KIF6: variants seen among roughly 807,000 people sequenced by gnomAD.
KIF6 encodes kinesin family member 6, also known as kinesin-like protein KIF6.
KIF6 carries 106 observed loss-of-function variants against 112.7 expected under a neutral mutation model. The observed-to-expected ratio is 0.94, with a 90% CI of 0.80 to 1.11. The LOEUF is 1.11. Ranked by LOEUF, KIF6 falls within the 50% of genes least tolerant of loss-of-function variation. The pLI, the probability that KIF6 is intolerant of heterozygous loss-of-function variation, is 0.00. For synonymous variants in KIF6, 339 were observed against 339.9 expected (o/e 1.00, Z 0.03); for missense variants, 929 against 964.0 (o/e 0.96, Z 0.48).
chr6:39,431,222 G>T, intron 13 of KIF6, 61 bp from the exon 14 acceptor site: 1 of 971,618 alleles, frequency 1.0e-6, no homozygotes, highest in Non-Finnish European at 1.6e-6. Context: ...TAATTTCATT[G>T]TCACTTCAGT....
chr6:39,532,355 C>A (rs1229107608), intron 13 of KIF6, among the ~76,000 whole-genome samples: 1 of 152,094 alleles, frequency 6.6e-6, no homozygotes, highest in African/African-American at 2.4e-5. Context: ...CTAATTAGCA[C>A]TATGCCTAGA....
rs535815312 is a variant in KIF6, at chr6:39,474,686, G to A, written c.1646-43525C>T. Among the ~76,000 whole-genome samples, 4 of 152,376 alleles carry A rather than the reference G, an allele frequency of 2.6e-5. No homozygotes were observed. The South Asian group carries it at 8.3e-4, about 32-fold the overall frequency. ...AGCTTCTCCTCCACCTCTTTCAGAG[G>A]AACTCTGGGTATGTGGCAGGCTACA... is the stretch of plus-strand genomic sequence containing the variant. On this transcript the variant is annotated intron_variant, in intron 13 of 22. Coordinates refer to ENST00000287152, the MANE Select transcript of KIF6 (RefSeq NM_145027.6).
intron 14 of KIF6, among the ~76,000 whole-genome samples, chr6:39,427,644 G>A (rs983816212): frequency 6.6e-6 from 1 of 152,216 alleles, no homozygotes; most frequent in Admixed American, 6.5e-5. Context: ...CTGATTTACT[G>A]CTGGGAAAAC....
intron 13 of KIF6, among the ~76,000 whole-genome samples, chr6:39,508,339 G>T (rs989749348): frequency 3.3e-5 from 5 of 152,028 alleles, no homozygotes; most frequent in Admixed American, 3.3e-4. Context: ...GGGGTAAATT[G>T]TTCATGTCAT....
At chr6:39,349,814 T>G (rs528313601) in intron 19 of KIF6, among the ~76,000 whole-genome samples, 1 of 151,750 alleles carries the variant, frequency 6.6e-6, no homozygotes, top group African/African-American at 2.4e-5. Context: ...GGCTAATTAT[T>G]TTTGTCTTTT....
chr6:39,501,102 G>A (rs1168827263), intron 13 of KIF6, among the ~76,000 whole-genome samples: 3 of 151,994 alleles, frequency 2.0e-5, no homozygotes, highest in Non-Finnish European at 2.9e-5. Context: ...AAAGGGTGAC[G>A]GCTTACTCGG....
At chr6:39,429,816 G>A (rs1299629130) in intron 14 of KIF6, among the ~76,000 whole-genome samples, 1 of 152,064 alleles carries the variant, frequency 6.6e-6, no homozygotes, top group Non-Finnish European at 1.5e-5. Context: ...GCTGAGGCAG[G>A]AGAATCGCTT....
In KIF6 at chr6:39,575,792, C is replaced by G. The variant is rs191621047; in HGVS notation, c.1181+2264G>C. On this transcript the variant is annotated intron_variant, in intron 10 of 22. Coordinates refer to ENST00000287152, the MANE Select transcript of KIF6 (RefSeq NM_145027.6). Reference sequence around the variant, plus strand: ...ATTGGCTGTTCCTAGCCCTCTCCTGCTCCAGGGCTCCACACTTCCAGACGT... The same window carrying G: ...ATTGGCTGTTCCTAGCCCTCTCCTGGTCCAGGGCTCCACACTTCCAGACGT... Among the ~76,000 whole-genome samples, 176 of 152,260 alleles carry G rather than the reference C, an allele frequency of 1.2e-3. 1 individual carries two copies. The highest frequency in any genetic ancestry group is 2.7e-3 in the Admixed American group (42 of 15,300).
intron 15 of KIF6, 44 bp downstream of exon 15, chr6:39,419,904 G>T: frequency 6.5e-7 from 1 of 1,533,186 alleles, no homozygotes; most frequent in South Asian, 1.1e-5. Flanking sequence ...TTTTCACCAG[G>T]AAAATGGTTT....
At chr6:39,641,200 TA>T (rs1784879945) in intron 3 of KIF6, among the ~76,000 whole-genome samples, 1 of 152,170 alleles carries the variant, frequency 6.6e-6, no homozygotes, top group South Asian at 2.1e-4. Context: ...AAATGAAGTC[TA>T]AAATTTCAAA....
At chr6:39,696,488 G>A (rs1251855009) in intron 3 of KIF6, among the ~76,000 whole-genome samples, 1 of 152,058 alleles carries the variant, frequency 6.6e-6, no homozygotes, top group Non-Finnish European at 1.5e-5. Context: ...TGACCAGAAA[G>A]CTGCCAATAC....
intron 5 of KIF6, among the ~76,000 whole-genome samples, chr6:39,614,601 C>T (rs1197526552): frequency 6.6e-6 from 1 of 152,158 alleles, no homozygotes; most frequent in Non-Finnish European, 1.5e-5. Context: ...CAATATGTCA[C>T]TAATAATGTC....
chr6:39,656,805 C>T (rs990209024), intron 3 of KIF6, among the ~76,000 whole-genome samples: 8 of 152,178 alleles, frequency 5.3e-5, no homozygotes, highest in Admixed American at 3.9e-4. Context: ...TTGCTACCTG[C>T]TTTTTAAAGC....
chr6:39,644,409 A>G (rs1209034898), intron 3 of KIF6, among the ~76,000 whole-genome samples: 1 of 152,152 alleles, frequency 6.6e-6, no homozygotes, highest in East Asian at 1.9e-4. Flanking sequence ...AGTGGAAACA[A>G]CACAAAGTGA....
chr6:39,639,471 G>A (rs562884064), intron 4 of KIF6, 139 bp downstream of exon 4: 5 of 665,978 alleles, frequency 7.5e-6, no homozygotes, highest in African/African-American at 5.6e-5. Flanking sequence ...TCTCCTTAAA[G>A]GTAAAGGCCA....
intron 15 of KIF6, among the ~76,000 whole-genome samples, chr6:39,396,830 C>T (rs954754490): frequency 6.6e-6 from 1 of 152,132 alleles, no homozygotes; most frequent in African/African-American, 2.4e-5. Flanking sequence ...AGGTGGGTGG[C>T]TCTGATTACA....
intron 3 of KIF6, among the ~76,000 whole-genome samples, chr6:39,672,421 T>C (rs302575): frequency 0.86 from 130,668 of 152,240 alleles, 56,521 homozygotes; most frequent in East Asian, 0.97. Context: ...ATATAACAAT[T>C]ATTTGTTGAA....
intron 4 of KIF6, among the ~76,000 whole-genome samples, chr6:39,638,264 A>G (rs968101699): frequency 6.6e-6 from 1 of 152,078 alleles, no homozygotes; most frequent in South Asian, 2.1e-4. Flanking sequence ...ACAGCAATCC[A>G]TAAGACTGAG....
intron 13 of KIF6, among the ~76,000 whole-genome samples, chr6:39,446,525 C>T (rs1469681203): frequency 6.6e-6 from 1 of 152,148 alleles, no homozygotes. Context: ...TGGAGTTTCA[C>T]TCTTGTTGCC....
Sources: allele counts gnomAD v4.1 joint callset (sites outside exome capture counted in the v4.1 genomes callset), GRCh38; gene constraint gnomAD v4.1.1; transcripts MANE v1.5; gene names NCBI Gene and HGNC (gene_info 2026-07-23, HGNC 2026-07-21).